The following CCT6B variants were observed in gnomAD, a reference collection of about 807,000 sequenced individuals.
CCT6B encodes the protein probable T-complex protein 1 subunit zeta-2.
A neutral mutation model predicts 61.5 loss-of-function variants in CCT6B; 49 were observed. The ratio of observed to expected loss-of-function variants is 0.80; its 90% CI spans 0.63 to 1.01. The LOEUF (loss-of-function observed/expected upper bound fraction) is 1.01. Among genes scored for constraint, CCT6B ranks in the 50% least tolerant of loss-of-function variants. The probability of loss-of-function intolerance (pLI) is 0.00; values close to 1 mark genes in which losing one functional copy is unlikely to be tolerated. For missense variants in CCT6B, 666 were observed against 634.7 expected, an observed-to-expected ratio of 1.05 and a Z score of -0.53; for synonymous variants, 228 against 214.5, an observed-to-expected ratio of 1.06 and a Z score of -0.55.
chr17:34,937,365 A>G (rs1247483620), intron 10 of CCT6B, among the ~76,000 whole-genome samples: 1 of 152,234 alleles, frequency 6.6e-6, no homozygotes, highest in Non-Finnish European at 1.5e-5. Context: ...TTAACATTAA[A>G]ATAGACAAAT....
At position 34,961,304 on chromosome 17, in the gene CCT6B, CA is replaced by C. The variant is rs1483128542; in HGVS notation, c.89del (p.Leu30ArgfsTer15). The C allele has an allele frequency of 6.2e-7, 1 of 1,613,130 alleles. No individual in the cohort carries two copies. Among genetic ancestry groups the C allele is most frequent in the East Asian group, 2.2e-5 (1 of 44,880 alleles). On this transcript the variant is annotated frameshift_variant, in exon 1 of 14. Coordinates refer to ENST00000314144, the MANE Select transcript of CCT6B (RefSeq NM_006584.4). LOFTEE classifies it high-confidence loss of function. ...LAVNICAARG[L>X]QDVLRTNLGP... is the part of the protein sequence containing the mutation. ...CCAAGTTGGTCCGCAGCACATCCTG[CA>C]GCCCTCGGGCGGCGCATATATTGAC...
At chr17:34,952,312 G>A (rs2090301234) in intron 4 of CCT6B, among the ~76,000 whole-genome samples, 1 of 152,190 alleles carries the variant, frequency 6.6e-6, no homozygotes, top group Admixed American at 6.5e-5. Context: ...AAGACCTTAA[G>A]AAGTCACAGT....
chr17:34,939,417 A>T, intron 9 of CCT6B, 87 bp from the exon 10 acceptor site: 1 of 1,159,676 alleles, frequency 8.6e-7, no homozygotes, highest in South Asian at 1.5e-5. Flanking sequence ...TCTTCATTTG[A>T]ATTTTTCTTA....
At chr17:34,930,221 A>G (rs574240144) in intron 12 of CCT6B, among the ~76,000 whole-genome samples, 31 of 152,290 alleles carry the variant, frequency 2.0e-4, no homozygotes, top group African/African-American at 6.0e-4. Context: ...GCAGTGAGCC[A>G]AGATCGTGCC....
intron 10 of CCT6B, among the ~76,000 whole-genome samples, chr17:34,935,860 AG>A (rs1409622267): frequency 2.8e-5 from 4 of 142,356 alleles, no homozygotes; most frequent in African/African-American, 1.0e-4. Context: ...TCATCTCAAA[AG>A]AAAAAAAAAA....
intron 10 of CCT6B, among the ~76,000 whole-genome samples, chr17:34,937,526 A>G (rs1395060392): frequency 6.6e-6 from 1 of 152,204 alleles, no homozygotes; most frequent in African/African-American, 2.4e-5. Context: ...TATATGAAAA[A>G]AATGAACTTG....
chr17:34,958,797 A>G (rs2090377590), intron 2 of CCT6B, 103 bp from the exon 3 acceptor site: 2 of 772,422 alleles, frequency 2.6e-6, no homozygotes, highest in South Asian at 6.9e-5. Flanking sequence ...TAAAAAATGA[A>G]ATAAGCTTCA....
At chr17:34,941,612 A>G (rs1209635096) in intron 7 of CCT6B, among the ~76,000 whole-genome samples, 2 of 152,226 alleles carry the variant, frequency 1.3e-5, no homozygotes, top group Non-Finnish European at 2.9e-5. Flanking sequence ...AGAGAAATCT[A>G]CCAAATACCC....
In CCT6B at chr17:34,931,020, TGTGG is replaced by T; in HGVS notation, c.1375_1378del (p.Pro459ArgfsTer4). On this transcript the variant is annotated frameshift_variant, in exon 12 of 14. Coordinates refer to ENST00000314144, the MANE Select transcript of CCT6B (RefSeq NM_006584.4). LOFTEE classifies it high-confidence loss of function. The stretch of plus-strand genomic sequence containing the variant: ...AGCCTGAACTTTTACTAATGTTTCC[TGTGG>T]GTCATAACCAGCATTCTGAGCAAGA... 6.3e-7 allele frequency: 1 copy of T among 1,598,258 alleles called. No individual in the cohort carries two copies. The highest frequency in any genetic ancestry group is 8.6e-7 in the Non-Finnish European group (1 of 1,169,216).
intron 12 of CCT6B, among the ~76,000 whole-genome samples, chr17:34,929,347 G>A (rs1045314232): frequency 6.6e-6 from 1 of 151,920 alleles, no homozygotes; most frequent in Non-Finnish European, 1.5e-5. Context: ...ACCTCTTAAC[G>A]TTGGAGTACC....
Position 34,943,832 on chromosome 17 carries a change from G to A in CCT6B, c.615-926C>T, listed in dbSNP as rs191636588. On this transcript the variant is annotated intron_variant, in intron 5 of 13. Transcript: ENST00000314144. ...TTGGCATTAAAAAGAAAAAAAATGGGAGGGACCTAAGAGTAGGGGTTATGC... is the reference window on the plus strand; with the variant it reads ...TTGGCATTAAAAAGAAAAAAAATGGAAGGGACCTAAGAGTAGGGGTTATGC... 3.1e-4 allele frequency: 47 copies of A among 151,014 alleles called. 1 individual carries two copies. The highest frequency in any genetic ancestry group is 2.7e-3 in the Admixed American group (41 of 15,210). The allele number at this position is 151,014 out of a possible 1,614,324, so 9.4% of individuals were successfully genotyped here. A position where few individuals can be genotyped will look rare whatever the true frequency, so the allele number is the denominator to read the frequency against.
chr17:34,939,400 A>C (rs1367718772), intron 9 of CCT6B, 70 bp from the exon 10 acceptor site: 4 of 1,280,406 alleles, frequency 3.1e-6, no homozygotes, highest in East Asian at 2.5e-5. Context: ...TTTATACTAG[A>C]ATACAATCTT....
intron 12 of CCT6B, among the ~76,000 whole-genome samples, chr17:34,929,475 GTTTT>G (rs1309602112): frequency 2.9e-5 from 4 of 135,702 alleles, no homozygotes; most frequent in Non-Finnish European, 3.2e-5. Context: ...GGGTGTTTTT[GTTTT>G]TTGTTTTCTT....
chr17:34,954,461 T>C lies in CCT6B; in HGVS notation c.475A>G (p.Lys159Glu). 6.2e-7 allele frequency: 1 copy of C among 1,612,614 alleles called. No homozygotes were observed. The highest frequency in any genetic ancestry group is 8.5e-7 in the Non-Finnish European group (1 of 1,179,514). Residue 159 changes from lysine (K) to glutamate (E), a missense_variant, in exon 4 of 14, where the codon AAA becomes GAA. Transcript: ENST00000314144. ...LDVARTSLQTKVHAELADVLT... is the reference protein window; with the variant it reads ...LDVARTSLQTEVHAELADVLT... ...ACATCAGCCAGTTCAGCATGAACTT[T>C]AGTTTGTAATGATGTTCTAGCTACA...
At chr17:34,929,491 C>CTTTTTTTTTTTTTTTTTTTGTTTTTTTT (rs112985335) in intron 12 of CCT6B, among the ~76,000 whole-genome samples, 1 of 126,768 alleles carries the variant, frequency 7.9e-6, no homozygotes. Context: ...TGTTTTCTTT[C>CTTTTTTTTTTTTTTTTTTTGTTTTTTTT]TTTTTTTTTT....
intron 5 of CCT6B, 104 bp downstream of exon 5, chr17:34,951,846 G>A (rs117022343): frequency 8.8e-4 from 486 of 552,830 alleles, no homozygotes; most frequent in Non-Finnish European, 1.4e-3. Flanking sequence ...AATATATGGT[G>A]AATGAATATA....
In CCT6B at chr17:34,950,926, C is replaced by T. The variant is rs1336559991; in HGVS notation, c.614+1024G>A. 4.9e-5 allele frequency among the ~76,000 whole-genome samples: 7 copies of T among 144,218 alleles called. No homozygotes were observed. In the East Asian group the frequency reaches 1.0e-3, roughly 21 times the overall value. 94.6% of individuals were successfully genotyped at this position (144,218 alleles called of 152,430 possible). A position where few individuals can be genotyped will look rare whatever the true frequency, so the allele number is the denominator to read the frequency against. On this transcript the variant is annotated intron_variant, in intron 5 of 13. Coordinates refer to ENST00000314144, the MANE Select transcript of CCT6B (RefSeq NM_006584.4). The stretch of plus-strand genomic sequence containing the variant: ...CCTGGGGGACAGAGTGAGACTCCAT[C>T]TCAAAAAAAAAAAAAAGAAGAAGAA...
chr17:34,951,916 G>C (rs773387105), intron 5 of CCT6B, 34 bp downstream of exon 5: 2 of 1,012,976 alleles, frequency 2.0e-6, no homozygotes, highest in Non-Finnish European at 3.0e-6. Context: ...AAAAATTCTA[G>C]AACCCATATG....
chr17:34,947,532 A>G (rs2090237809), intron 5 of CCT6B, among the ~76,000 whole-genome samples: 1 of 152,228 alleles, frequency 6.6e-6, no homozygotes, highest in Non-Finnish European at 1.5e-5. Context: ...CAACCTAGTA[A>G]ACACACAATG....
Sources: gnomAD v4.1 joint callset for allele counts (sites outside exome capture counted in the v4.1 genomes callset) on GRCh38, gnomAD v4.1.1 for gene constraint, MANE v1.5 for transcripts, NCBI Gene and HGNC (gene_info 2026-07-23, HGNC 2026-07-21) for gene names.